Variants in SCG3 observed in about 807,000 individuals in gnomAD.
The protein encoded by SCG3 is secretogranin-3.
Under a neutral mutation model 56.2 loss-of-function variants are expected in SCG3, and 38 were observed. The observed-to-expected ratio is 0.68, with a 90% CI of 0.52 to 0.89. The LOEUF is 0.89. SCG3 is among the 40% of genes least tolerant of loss of function. The pLI, the probability that SCG3 is intolerant of heterozygous loss-of-function variation, is 0.00. For missense variants in SCG3, 524 were observed against 540.7 expected, an observed-to-expected ratio of 0.97 and a Z score of 0.31; for synonymous variants, 176 against 184.2, an observed-to-expected ratio of 0.96 and a Z score of 0.36.
intron 10 of SCG3, among the ~76,000 whole-genome samples, chr15:51,711,806 G>A (rs1045773480): frequency 6.6e-6 from 1 of 152,142 alleles, no homozygotes; most frequent in Non-Finnish European, 1.5e-5. Flanking sequence ...ACTAAAAATT[G>A]TGGATCTCTT....
At chr15:51,711,435 T>C (rs1017615268) in intron 10 of SCG3, among the ~76,000 whole-genome samples, 1 of 152,222 alleles carries the variant, frequency 6.6e-6, no homozygotes, top group Non-Finnish European at 1.5e-5. Flanking sequence ...TACTCAAAAG[T>C]TGCAAAAGCC....
intron 10 of SCG3, among the ~76,000 whole-genome samples, chr15:51,708,662 T>C (rs1353942949): frequency 6.6e-6 from 1 of 152,192 alleles, no homozygotes; most frequent in Non-Finnish European, 1.5e-5. Context: ...GAGACCATCC[T>C]GGCTAACATG....
chr15:51,687,007 A>G (rs758073228), intron 4 of SCG3, among the ~76,000 whole-genome samples: 12 of 152,222 alleles, frequency 7.9e-5, no homozygotes, highest in Non-Finnish European at 1.2e-4. Context: ...CAGAATCAGA[A>G]TAGAAATACT....
intron 10 of SCG3, among the ~76,000 whole-genome samples, chr15:51,704,132 C>G (rs565423511): frequency 1.9e-4 from 28 of 150,978 alleles, no homozygotes; most frequent in Non-Finnish European, 3.5e-4. Flanking sequence ...TTTGGGGACC[C>G]TGTAGACCAA....
intron 1 of SCG3, 129 bp downstream of exon 1, chr15:51,681,966 C>G (rs1167304827): frequency 8.0e-5 from 53 of 662,868 alleles, no homozygotes; most frequent in Non-Finnish European, 1.3e-4. Context: ...TGAATACGGA[C>G]AGAGAAATCA....
intron 10 of SCG3, among the ~76,000 whole-genome samples, chr15:51,703,110 T>A (rs1025827340): frequency 2.6e-5 from 4 of 152,200 alleles, no homozygotes; most frequent in African/African-American, 9.7e-5. Context: ...TGTATAACCA[T>A]CAGTGGCAAT....
chr15:51,690,968 T>G (rs770154776), intron 6 of SCG3, among the ~76,000 whole-genome samples: 4 of 152,202 alleles, frequency 2.6e-5, no homozygotes, highest in Non-Finnish European at 4.4e-5. Context: ...CATGTTTAAA[T>G]CATCATGTAT....
Position 51,692,256 on chromosome 15 carries a change from C to T in SCG3, c.788C>T (p.Thr263Ile). 6.2e-7 allele frequency: 1 copy of T among 1,614,064 alleles called. No homozygotes were observed. The highest frequency in any genetic ancestry group is 8.5e-7 in the Non-Finnish European group (1 of 1,179,964). Residue 263 changes from threonine to isoleucine, a missense_variant, in exon 7 of 12, where the codon ACT becomes ATT. By Grantham distance (89) the Thr-to-Ile change is moderately conservative. Coordinates refer to ENST00000220478, the MANE Select transcript of SCG3 (RefSeq NM_013243.4). Reference sequence around the variant, plus strand: ...TTGACAAATGGCTTGGAAAGGAGAACTAAAACCTACAGTGAAGACAACTTT... The same window carrying T: ...TTGACAAATGGCTTGGAAAGGAGAATTAAAACCTACAGTGAAGACAACTTT... ...LTLTNGLERR[T>I]KTYSEDNFEE...
chr15:51,719,649 G>A lies in SCG3; in HGVS notation c.*123G>A. 7.8e-6 allele frequency: 5 copies of A among 637,110 alleles called. No homozygotes were observed. In the South Asian group the frequency reaches 1.0e-4, roughly 13 times the overall value. The allele number at this position is 637,110 out of a possible 1,614,324, so 39.5% of individuals were successfully genotyped here. A position where few individuals can be genotyped will look rare whatever the true frequency, so the allele number is the denominator to read the frequency against. The stretch of plus-strand genomic sequence containing the variant: ...GTTATTAGAAAGTGCTGAATTTACA[G>A]TAGTTAACCTTTTACAAGTGGTTAA... On this transcript the variant is annotated 3_prime_UTR_variant, in exon 12 of 12. Coordinates refer to ENST00000220478, the MANE Select transcript of SCG3 (RefSeq NM_013243.4).
chr15:51,701,182 G>A lies in SCG3; in HGVS notation c.1145G>A (p.Ser382Asn), dbSNP rs758462422. Reference sequence around the variant, plus strand: ...GCTAAGATGGAAAAGGAATATGGAAGCTTGAAGGATTCCACAAAAGATGAT... The same window carrying A: ...GCTAAGATGGAAAAGGAATATGGAAACTTGAAGGATTCCACAAAAGATGAT... ...EAAKMEKEYGSLKDSTKDDNS... is the reference protein window; with the variant it reads ...EAAKMEKEYGNLKDSTKDDNS... The change falls in exon 10 of 12, where the codon AGC becomes AAC. Residue 382 changes from serine (S) to asparagine (N), a missense_variant. Physicochemically the swap from Ser to Asn is conservative, Grantham distance 46. Transcript: ENST00000220478. 8.1e-6 allele frequency: 13 copies of A among 1,612,750 alleles called. No individual in the cohort carries two copies. The highest frequency in any genetic ancestry group is 8.5e-6 in the Non-Finnish European group (10 of 1,179,550).
At chr15:51,708,869 G>A (rs1010611467) in intron 10 of SCG3, among the ~76,000 whole-genome samples, 3 of 148,240 alleles carry the variant, frequency 2.0e-5, no homozygotes, top group African/African-American at 7.4e-5. Context: ...AAAAAAAAAA[G>A]AAAACCACTG....
At chr15:51,703,787 T>G (rs919840163) in intron 10 of SCG3, among the ~76,000 whole-genome samples, 1 of 152,202 alleles carries the variant, frequency 6.6e-6, no homozygotes, top group African/African-American at 2.4e-5. Flanking sequence ...ATATAATTTT[T>G]CCTTAATGTA....
In SCG3 at chr15:51,719,412, T is replaced by C. The variant is rs2055481184; in HGVS notation, c.1293T>C (p.Tyr431=). The C allele has an allele frequency of 1.9e-6, 3 of 1,610,188 alleles. No homozygotes were observed. The highest frequency in any genetic ancestry group is 1.7e-6 in the Non-Finnish European group (2 of 1,176,768). Residue 431 remains tyrosine, a synonymous_variant, in exon 12 of 12, where the codon TAT becomes TAC. Coordinates refer to ENST00000220478, the MANE Select transcript of SCG3 (RefSeq NM_013243.4). ...KHDKKGNKED[Y]DLSKMRDFIN... is the part of the protein sequence containing the mutation. ...TGCTCTAATAATATTTTCCAGATTA[T>C]GACCTTTCAAAGATGAGAGACTTCA... is the stretch of plus-strand genomic sequence containing the variant.
chr15:51,694,966 G>T (rs1473766536), intron 7 of SCG3, among the ~76,000 whole-genome samples: 2 of 151,884 alleles, frequency 1.3e-5, no homozygotes, highest in Non-Finnish European at 2.9e-5. Context: ...AGGAGGCAGA[G>T]GTTGCAGTAA....
Position 51,689,208 on chromosome 15 carries a change from T to G in SCG3, c.541-11T>G. The stretch of plus-strand genomic sequence containing the variant: ...TATAGCAGTTATATATGTTTTGCCT[T>G]TTTATGATAGATCACAGAAAGCCAA... On this transcript the variant is annotated splice_polypyrimidine_tract_variant and intron_variant, in intron 5 of 11. Transcript: ENST00000220478. 7.4e-6 allele frequency: 12 copies of G among 1,613,370 alleles called. No homozygotes were observed. The highest frequency in any genetic ancestry group is 9.3e-6 in the Non-Finnish European group (11 of 1,179,550).
chr15:51,682,396 CAT>C (rs1159230287), intron 1 of SCG3, 119 bp from the exon 2 acceptor site: 18 of 540,418 alleles, frequency 3.3e-5, no homozygotes, highest in African/African-American at 6.0e-5. Flanking sequence ...GCATTTGTTT[CAT>C]AGTCATCCAA....
At chr15:51,696,585 G>C (rs924636529) in intron 8 of SCG3, among the ~76,000 whole-genome samples, 5 of 152,118 alleles carry the variant, frequency 3.3e-5, no homozygotes, top group Admixed American at 1.3e-4. Flanking sequence ...AAATAAAAAG[G>C]AAAGAAAAGA....
At position 51,688,369 on chromosome 15, in the gene SCG3, C is replaced by G. The variant is rs1279303180; in HGVS notation, c.507C>G (p.Asp169Glu). Residue 169 changes from aspartate (D) to glutamate (E), a missense_variant, in exon 5 of 12, where the codon GAC becomes GAG. By Grantham distance (45) the Asp-to-Glu change is conservative (BLOSUM62 2). Coordinates refer to ENST00000220478, the MANE Select transcript of SCG3 (RefSeq NM_013243.4). Reference sequence around the variant, plus strand: ...AAGAAAATGACAGAGCCGTGTTTGACAAGATTGTTTCTAAACTACTTAATC... The same window carrying G: ...AAGAAAATGACAGAGCCGTGTTTGAGAAGATTGTTTCTAAACTACTTAATC... ...IYEENDRAVF[D>E]KIVSKLLNLG... 4 of 1,613,722 alleles carry G rather than the reference C, an allele frequency of 2.5e-6. No homozygotes were observed. The South Asian group carries it at 3.3e-5, about 13-fold the overall frequency.
At chr15:51,704,254 T>C (rs1303873737) in intron 10 of SCG3, among the ~76,000 whole-genome samples, 58 of 126,324 alleles carry the variant, frequency 4.6e-4, no homozygotes, top group African/African-American at 1.3e-3. Context: ...CATATATATA[T>C]ATATATATAT....
Sources: gnomAD v4.1 joint callset for allele counts (sites outside exome capture counted in the v4.1 genomes callset) on GRCh38, gnomAD v4.1.1 for gene constraint, MANE v1.5 for transcripts, NCBI Gene and HGNC (gene_info 2026-07-23, HGNC 2026-07-21) for gene names.